DGKI: variants seen among roughly 807,000 people sequenced by gnomAD.
DGKI encodes DAG kinase iota.
A neutral mutation model predicts 147.5 loss-of-function variants in DGKI; 55 were observed. The observed-to-expected ratio is 0.37, with a 90% CI of 0.30 to 0.47. DGKI has a LOEUF of 0.47. Among genes scored for constraint, DGKI ranks in the 20% least tolerant of loss-of-function variants. DGKI has a pLI of 1.00. For synonymous variants in DGKI, 469 were observed against 477.1 expected, an observed-to-expected ratio of 0.98 and a Z score of 0.22; for missense variants, 1,007 against 1,323.8, an observed-to-expected ratio of 0.76 and a Z score of 3.71.
chr7:137,653,269 C>A (rs931771900), intron 5 of DGKI, among the ~76,000 whole-genome samples: 2 of 152,228 alleles, frequency 1.3e-5, no homozygotes, highest in Non-Finnish European at 2.9e-5. Context: ...CAACGTTATT[C>A]TTAGTTCACG....
At chr7:137,611,849 T>C (rs1207639201) in intron 8 of DGKI, among the ~76,000 whole-genome samples, 1 of 152,158 alleles carries the variant, frequency 6.6e-6, no homozygotes, top group African/African-American at 2.4e-5. Context: ...TTCACAGCAT[T>C]TACTGAGCCT....
intron 1 of DGKI, among the ~76,000 whole-genome samples, chr7:137,696,290 T>C (rs1416290310): frequency 6.6e-6 from 1 of 152,108 alleles, no homozygotes; most frequent in Non-Finnish European, 1.5e-5. Flanking sequence ...GCCTAACCCA[T>C]CTTCCTAATA....
chr7:137,531,426 C>T (rs930548155), intron 20 of DGKI, among the ~76,000 whole-genome samples: 1 of 152,150 alleles, frequency 6.6e-6, no homozygotes, highest in East Asian at 1.9e-4. Context: ...ATCAATGGTA[C>T]TAAATGGAAT....
intron 1 of DGKI, among the ~76,000 whole-genome samples, chr7:137,690,492 T>C (rs1277440993): frequency 6.6e-6 from 1 of 152,198 alleles, no homozygotes; most frequent in African/African-American, 2.4e-5. Context: ...CTCTCGAGAA[T>C]ATCATCCTTT....
At chr7:137,490,406 C>G (rs2128937632) in intron 21 of DGKI, among the ~76,000 whole-genome samples, 1 of 152,240 alleles carries the variant, frequency 6.6e-6, no homozygotes, top group Middle Eastern at 3.4e-3. Context: ...AATTTTTATT[C>G]TCCCTTACTC....
chr7:137,416,103 G>A (rs1731969), intron 28 of DGKI, among the ~76,000 whole-genome samples: 3 of 151,980 alleles, frequency 2.0e-5, no homozygotes, highest in African/African-American at 7.3e-5. Context: ...GAGAAACAGA[G>A]AAAGAAAGGA....
At chr7:137,525,264 C>T (rs1185460156) in intron 20 of DGKI, among the ~76,000 whole-genome samples, 1 of 152,178 alleles carries the variant, frequency 6.6e-6, no homozygotes, top group Non-Finnish European at 1.5e-5. Context: ...TGCTCTCTTG[C>T]TCTTAGCTCC....
At chr7:137,824,307 A>T (rs1346687289) in intron 1 of DGKI, among the ~76,000 whole-genome samples, 1 of 152,194 alleles carries the variant, frequency 6.6e-6, no homozygotes, top group African/African-American at 2.4e-5. Flanking sequence ...ACCTGAGGTC[A>T]GGAGTTCGAG....
chr7:137,572,372 C>T (rs560077832), intron 18 of DGKI, among the ~76,000 whole-genome samples: 2 of 152,176 alleles, frequency 1.3e-5, no homozygotes, highest in Admixed American at 6.5e-5. Context: ...GAATGAATTC[C>T]GCACTTGAAT....
At position 137,503,935 on chromosome 7, in the gene DGKI, T is replaced by C. The variant is rs144827677; in HGVS notation, c.2249-16246A>G. ...CCCAAACCAATTTCAGCAGACTATATGTGAGAACATTTTATAGCAGATAAT... is the reference window on the plus strand; with the variant it reads ...CCCAAACCAATTTCAGCAGACTATACGTGAGAACATTTTATAGCAGATAAT... On this transcript the variant is annotated intron_variant, in intron 21 of 32. Transcript: ENST00000614521. Among the ~76,000 whole-genome samples, 82 of 152,296 alleles carry C rather than the reference T, an allele frequency of 5.4e-4. No individual in the cohort carries two copies. In the Middle Eastern group the frequency reaches 0.017, roughly 32 times the overall value.
chr7:137,717,574 C>T (rs1794417816), intron 1 of DGKI, among the ~76,000 whole-genome samples: 1 of 152,016 alleles, frequency 6.6e-6, no homozygotes, highest in African/African-American at 2.4e-5. Flanking sequence ...AATGCCTACA[C>T]TATATATTTT....
At chr7:137,451,827 CTTTTT>C (rs1563026899) in intron 27 of DGKI, among the ~76,000 whole-genome samples, 1 of 152,048 alleles carries the variant, frequency 6.6e-6, no homozygotes, top group African/African-American at 2.4e-5. Flanking sequence ...AGTTTTCTTT[CTTTTT>C]ATTTTTTTAG....
chr7:137,641,590 A>G (rs1019445921), intron 6 of DGKI, among the ~76,000 whole-genome samples: 1 of 152,338 alleles, frequency 6.6e-6, no homozygotes, highest in African/African-American at 2.4e-5. Flanking sequence ...AATGAATTTC[A>G]TATTTAGACT....
chr7:137,552,896 T>C (rs760738619), intron 19 of DGKI, among the ~76,000 whole-genome samples: 2 of 151,406 alleles, frequency 1.3e-5, no homozygotes, highest in Non-Finnish European at 2.9e-5. Context: ...GCATGGGCAA[T>C]AGAGCGAGAC....
chr7:137,723,642 G>A (rs1299830544), intron 1 of DGKI, among the ~76,000 whole-genome samples: 1 of 143,716 alleles, frequency 7.0e-6, no homozygotes, highest in East Asian at 2.1e-4. Flanking sequence ...CAGTGATGAA[G>A]AACAAGATCA....
intron 1 of DGKI, among the ~76,000 whole-genome samples, chr7:137,810,867 C>T (rs1437660870): frequency 6.6e-6 from 1 of 152,056 alleles, no homozygotes; most frequent in Non-Finnish European, 1.5e-5. Flanking sequence ...ATATACAAAG[C>T]CAGGAAGTAC....
At chr7:137,751,178 A>G (rs1795480766) in intron 1 of DGKI, among the ~76,000 whole-genome samples, 1 of 152,236 alleles carries the variant, frequency 6.6e-6, no homozygotes, top group Admixed American at 6.5e-5. Context: ...ATACACATAA[A>G]TATTTCCTTT....
intron 21 of DGKI, among the ~76,000 whole-genome samples, chr7:137,504,293 AC>A (rs1428615329): frequency 1.4e-4 from 21 of 152,220 alleles, no homozygotes; most frequent in Non-Finnish European, 2.9e-4. Flanking sequence ...CAGTGCAATT[AC>A]TGTTAAAATA....
intron 1 of DGKI, among the ~76,000 whole-genome samples, chr7:137,823,216 A>C (rs1797956338): frequency 6.6e-6 from 1 of 152,242 alleles, no homozygotes; most frequent in Non-Finnish European, 1.5e-5. Flanking sequence ...AATGTTAAAA[A>C]TAAACCAGAA....
Sources: allele counts gnomAD v4.1 joint callset (sites outside exome capture counted in the v4.1 genomes callset), GRCh38; gene constraint gnomAD v4.1.1; transcripts MANE v1.5; gene names NCBI Gene and HGNC (gene_info 2026-07-23, HGNC 2026-07-21).